Variants in SORCS3 observed in about 807,000 individuals in gnomAD.
SORCS3 encodes VPS10 domain-containing receptor SorCS3.
In SORCS3, 57 loss-of-function variants were observed where a neutral mutation model predicts 146.3. That is an observed-to-expected ratio of 0.39 (90% CI 0.31 to 0.49). SORCS3 has a LOEUF of 0.49. SORCS3 is among the 20% of genes least tolerant of loss of function. SORCS3 has a pLI of 0.92. For missense variants in SORCS3, 1,341 were observed against 1,575.5 expected (o/e 0.85, Z 2.52); for synonymous variants, 653 against 618.5 (o/e 1.06, Z -0.83).
At chr10:105,150,222 T>C (rs943915885) in intron 9 of SORCS3, among the ~76,000 whole-genome samples, 4 of 152,072 alleles carry the variant, frequency 2.6e-5, no homozygotes, top group African/African-American at 9.7e-5. Flanking sequence ...GCAAGACAAA[T>C]GGATATCAAA....
intron 2 of SORCS3, among the ~76,000 whole-genome samples, chr10:104,896,836 A>G (rs1564708294): frequency 6.6e-6 from 1 of 152,254 alleles, no homozygotes. Flanking sequence ...CTTTTGTGCT[A>G]TAATGGCAGA....
intron 2 of SORCS3, among the ~76,000 whole-genome samples, chr10:104,893,154 T>G (rs1299909143): frequency 1.3e-5 from 2 of 152,180 alleles, no homozygotes; most frequent in Non-Finnish European, 2.9e-5. Flanking sequence ...CACTCTAGAT[T>G]GTGAGCTTCA....
intron 1 of SORCS3, among the ~76,000 whole-genome samples, chr10:104,791,332 C>T (rs1414473528): frequency 6.6e-6 from 1 of 152,180 alleles, no homozygotes; most frequent in Admixed American, 6.5e-5. Flanking sequence ...TAAGTCAGTC[C>T]TTTGTTGAAC....
At chr10:104,820,998 C>T (rs1173490236) in intron 1 of SORCS3, among the ~76,000 whole-genome samples, 1 of 152,160 alleles carries the variant, frequency 6.6e-6, no homozygotes, top group African/African-American at 2.4e-5. Context: ...ACTGATTGAA[C>T]AGAAAGGACT....
intron 1 of SORCS3, among the ~76,000 whole-genome samples, chr10:104,677,955 A>G (rs994689789): frequency 6.6e-6 from 1 of 152,160 alleles, no homozygotes; most frequent in East Asian, 1.9e-4. Context: ...GCAGTGTTTT[A>G]AAGTATGAAG....
chr10:105,109,816 T>G (rs2133756392), intron 7 of SORCS3, among the ~76,000 whole-genome samples: 1 of 152,238 alleles, frequency 6.6e-6, no homozygotes, highest in African/African-American at 2.4e-5. Flanking sequence ...AAAAATATTT[T>G]GATACCAATT....
intron 2 of SORCS3, among the ~76,000 whole-genome samples, chr10:104,889,882 G>T (rs1392672645): frequency 6.6e-6 from 1 of 151,856 alleles, no homozygotes; most frequent in East Asian, 1.9e-4. Flanking sequence ...ATTTTCTTGT[G>T]GTACCAGTAT....
intron 1 of SORCS3, among the ~76,000 whole-genome samples, chr10:104,654,045 A>C (rs2015595356): frequency 6.6e-6 from 1 of 152,184 alleles, no homozygotes; most frequent in Non-Finnish European, 1.5e-5. Context: ...ATAAGTGAGA[A>C]TATGCCATGT....
intron 8 of SORCS3, among the ~76,000 whole-genome samples, chr10:105,146,318 G>A (rs1283671257): frequency 6.6e-6 from 1 of 151,848 alleles, no homozygotes; most frequent in Non-Finnish European, 1.5e-5. Flanking sequence ...AAACTACTAG[G>A]TGTGATTTTA....
chr10:104,885,808 T>C (rs2018676395), intron 2 of SORCS3, among the ~76,000 whole-genome samples: 1 of 152,210 alleles, frequency 6.6e-6, no homozygotes, highest in Admixed American at 6.5e-5. Flanking sequence ...TCCTTAATAG[T>C]TCTGAGAATT....
chr10:104,969,964 A>G (rs1393118508), intron 3 of SORCS3, among the ~76,000 whole-genome samples: 2 of 152,156 alleles, frequency 1.3e-5, no homozygotes, highest in Non-Finnish European at 2.9e-5. Context: ...ATATAAAATA[A>G]AGTTCATTTA....
intron 3 of SORCS3, among the ~76,000 whole-genome samples, chr10:104,924,058 G>A (rs150098658): frequency 4.6e-5 from 7 of 152,308 alleles, no homozygotes; most frequent in African/African-American, 1.7e-4. Context: ...GTACTGAGAT[G>A]TTAGCCATTT....
intron 5 of SORCS3, among the ~76,000 whole-genome samples, chr10:105,073,433 C>A (rs1173219557): frequency 6.6e-6 from 1 of 152,192 alleles, no homozygotes; most frequent in African/African-American, 2.4e-5. Context: ...GAGGATCTAA[C>A]TGATTAATGC....
In SORCS3 at chr10:105,247,351, T is replaced by C. The variant is rs768391322; in HGVS notation, c.3105+20T>C. ...GTTAAAGTAAGTTGGCTTTGTCTTT[T>C]TTTAAGTTCTTGTGAATAAAGAAAA... is the stretch of plus-strand genomic sequence containing the variant. On this transcript the variant is annotated intron_variant, in intron 22 of 26. Coordinates refer to ENST00000369701, the MANE Select transcript of SORCS3 (RefSeq NM_014978.3). 2 of 1,405,194 alleles carry C rather than the reference T, an allele frequency of 1.4e-6. No homozygotes were observed. The highest frequency in any genetic ancestry group is 2.3e-5 in the South Asian group (2 of 85,524). The allele number at this position is 1,405,194 out of a possible 1,614,324, so 87.0% of individuals were successfully genotyped here.
At chr10:105,236,925 G>GCAAT (rs985773084) in intron 20 of SORCS3, among the ~76,000 whole-genome samples, 4 of 152,136 alleles carry the variant, frequency 2.6e-5, no homozygotes, top group Non-Finnish European at 5.9e-5. Context: ...TCTCTATCAA[G>GCAAT]CAATCAATCT....
Position 105,009,623 on chromosome 10 carries a change from A to G in SORCS3, c.954+32130A>G, listed in dbSNP as rs2055120588. ...AGTCAGAAACTGTAGGGAAAGGAAA[A>G]CAGTTAATCTGTTAGAGTTATTGAT... On this transcript the variant is annotated intron_variant, in intron 4 of 26. Transcript: ENST00000369701. Among the ~76,000 whole-genome samples the G allele has an allele frequency of 2.0e-5, 3 of 151,778 alleles. No individual in the cohort carries two copies. The South Asian group carries it at 6.3e-4, about 32-fold the overall frequency.
chr10:105,216,800 T>A (rs2056667755), intron 18 of SORCS3, 136 bp from the exon 19 acceptor site: 1 of 770,586 alleles, frequency 1.3e-6, no homozygotes, highest in Non-Finnish European at 2.2e-6. Flanking sequence ...AGTGTGATCA[T>A]TGTGTTGCAG....
chr10:104,773,167 G>A (rs2017271881), intron 1 of SORCS3, among the ~76,000 whole-genome samples: 1 of 152,212 alleles, frequency 6.6e-6, no homozygotes, highest in Non-Finnish European at 1.5e-5. Flanking sequence ...CAGTGAGGCT[G>A]GAGAGGTGAC....
At chr10:104,829,155 C>T (rs2017973683) in intron 1 of SORCS3, among the ~76,000 whole-genome samples, 1 of 152,120 alleles carries the variant, frequency 6.6e-6, no homozygotes, top group African/African-American at 2.4e-5. Flanking sequence ...ATCAAAGAAA[C>T]ATTTAATAAT....
Sources: gnomAD v4.1 joint callset for allele counts (sites outside exome capture counted in the v4.1 genomes callset) on GRCh38, gnomAD v4.1.1 for gene constraint, MANE v1.5 for transcripts, NCBI Gene and HGNC (gene_info 2026-07-23, HGNC 2026-07-21) for gene names.